Variants in TMEM160 observed in about 807,000 individuals in gnomAD.
The protein encoded by TMEM160 is transmembrane protein 160.
TMEM160 carries 10 observed loss-of-function variants against 13.9 expected under a neutral mutation model. That is an observed-to-expected ratio of 0.72 (90% CI 0.45 to 1.22). The LOEUF (loss-of-function observed/expected upper bound fraction) is 1.22, where lower values mean the gene tolerates loss of function less well. Among genes scored for constraint, TMEM160 ranks in the 50% most tolerant of loss-of-function variants. The pLI is 0.00. For missense variants in TMEM160, 287 were observed against 283.2 expected, an observed-to-expected ratio of 1.01 and a Z score of -0.10; for synonymous variants, 159 against 134.8, an observed-to-expected ratio of 1.18 and a Z score of -1.25.
Position 47,046,077 on chromosome 19 carries a change from C to A in TMEM160, c.477G>T (p.Gln159His). Residue 159 changes from glutamine (Q) to histidine (H), a missense_variant, in exon 3 of 3, where the codon CAG becomes CAT. Coordinates refer to ENST00000253047, the MANE Select transcript of TMEM160 (RefSeq NM_017854.2). Reference sequence around the variant, plus strand: ...GCACCAGCTCCACGTCCAGCTCCAGCTGCCCCATGTAGAGGCCCACGGCGC... The same window carrying A: ...GCACCAGCTCCACGTCCAGCTCCAGATGCCCCATGTAGAGGCCCACGGCGC... ...WACAVGLYMG[Q>H]LELDVELVPE... 3.2e-6 allele frequency: 5 copies of A among 1,545,174 alleles called. No homozygotes were observed. Among genetic ancestry groups the A allele is most frequent in the African/African-American group, 1.4e-5 (1 of 73,448 alleles).
rs1216604917 is a variant in TMEM160, at chr19:47,045,934, G to A, written c.*53C>T. 6 of 1,475,574 alleles carry A rather than the reference G, an allele frequency of 4.1e-6. No homozygotes were observed. Among genetic ancestry groups the A allele is most frequent in the Admixed American group, 2.4e-5 (1 of 41,846 alleles). 91.4% of individuals were successfully genotyped at this position (1,475,574 alleles called of 1,614,324 possible). ...TGGAGGAGGGGAGGTCAGGTTTAAT[G>A]TCCCAGTCCTCGGGCGCTGTCCAGC... On this transcript the variant is annotated 3_prime_UTR_variant, in exon 3 of 3. Transcript: ENST00000253047.
intron 1 of TMEM160, among the ~76,000 whole-genome samples, 200 bp downstream of exon 1, chr19:47,048,207 G>T (rs879313422): frequency 6.6e-6 from 1 of 152,114 alleles, no homozygotes; most frequent in Admixed American, 6.5e-5. Flanking sequence ...CGTTACCCGG[G>T]GTCCTCGTCC....
chr19:47,046,769 CT>C, intron 1 of TMEM160, 84 bp from the exon 2 acceptor site: 1 of 981,984 alleles, frequency 1.0e-6, no homozygotes, highest in Non-Finnish European at 1.6e-6. Flanking sequence ...ACTGAGGGGC[CT>C]CCCTTCAGCT....
At chr19:47,047,544 A>G in intron 1 of TMEM160, 2 of 966,858 alleles carry the variant, frequency 2.1e-6, no homozygotes, top group Non-Finnish European at 2.4e-6. Flanking sequence ...AGCCCACCAC[A>G]CCCTATATCT....
At chr19:47,048,235 C>G (rs1010831482) in intron 1 of TMEM160, among the ~76,000 whole-genome samples, 172 bp downstream of exon 1, 1 of 152,236 alleles carries the variant, frequency 6.6e-6, no homozygotes, top group Non-Finnish European at 1.5e-5. Flanking sequence ...AAGCCCATCC[C>G]CTCTGCGGGC....
chr19:47,046,389 A>T, intron 2 of TMEM160, 137 bp from the exon 3 acceptor site: 1 of 1,181,684 alleles, frequency 8.5e-7, no homozygotes, highest in Non-Finnish European at 1.2e-6. Context: ...ATCGGAGGGG[A>T]GGGGACCATA....
chr19:47,047,391 C>T (rs1483673987), intron 1 of TMEM160: 5 of 985,022 alleles, frequency 5.1e-6, no homozygotes, highest in South Asian at 4.7e-5. Flanking sequence ...TAATCCAGGC[C>T]GCTCTTCAGC....
chr19:47,048,052 T>TG (rs562683995), intron 1 of TMEM160, among the ~76,000 whole-genome samples: 1 of 147,584 alleles, frequency 6.8e-6, no homozygotes, highest in Non-Finnish European at 1.5e-5. Context: ...TGCACAGTGG[T>TG]GGCCTCTGCA....
At position 47,046,703 on chromosome 19, in the gene TMEM160, TGGG is replaced by T. The variant is rs746565266; in HGVS notation, c.209-21_209-19del. On this transcript the variant is annotated intron_variant, in intron 1 of 2. Coordinates refer to ENST00000253047, the MANE Select transcript of TMEM160 (RefSeq NM_017854.2). ...GAGGAAGGCTGGAGGGAGGGGGACA[TGGG>T]GGGATTAACATCACCCCCAACCCTA... 3.0e-5 allele frequency: 48 copies of T among 1,584,326 alleles called. No homozygotes were observed. The highest frequency in any genetic ancestry group is 4.1e-5 in the African/African-American group (3 of 73,944).
intron 1 of TMEM160, 51 bp downstream of exon 1, chr19:47,048,356 G>T: frequency 7.2e-7 from 1 of 1,393,172 alleles, no homozygotes; most frequent in Non-Finnish European, 9.5e-7. Flanking sequence ...GGTCCCACGC[G>T]AGCCCGGGAC....
At chr19:47,047,246 T>C in intron 1 of TMEM160, 1 of 984,686 alleles carries the variant, frequency 1.0e-6, no homozygotes, top group Non-Finnish European at 1.2e-6. Flanking sequence ...CCCTGCAGAA[T>C]GTGGAGGACA....
rs1400362007 is a variant in TMEM160 at position 47,046,251 on chromosome 19, G to C, written c.303C>G (p.Gly101=). Residue 101 remains glycine, a splice_region_variant and synonymous_variant, in exon 3 of 3, where the codon GGC becomes GGG. Coordinates refer to ENST00000253047, the MANE Select transcript of TMEM160 (RefSeq NM_017854.2). ...CGCACAGGCCGCCCAGCAGGAAGAA[G>C]CCTGCGGGAGAGGCAGGGTAGCAAC... is the stretch of plus-strand genomic sequence containing the variant. The part of the protein sequence containing the change: ...QSDMGREAAY[G]FFLLGGLCVV... 1.3e-6 allele frequency: 2 copies of C among 1,535,446 alleles called. No individual in the cohort carries two copies. The highest frequency in any genetic ancestry group is 1.7e-6 in the Non-Finnish European group (2 of 1,146,282).
intron 1 of TMEM160, chr19:47,047,680 T>A (rs1258192266): frequency 3.5e-5 from 25 of 719,930 alleles, no homozygotes; most frequent in Non-Finnish European, 4.3e-5. Flanking sequence ...CAAGACCCCG[T>A]CTCTACATAA....
Position 47,046,132 on chromosome 19 carries a change from G to A in TMEM160, c.422C>T (p.Ala141Val), listed in dbSNP as rs892889987. 70 of 1,478,616 alleles carry A rather than the reference G, an allele frequency of 4.7e-5. No homozygotes were observed. Among genetic ancestry groups the A allele is most frequent in the Non-Finnish European group, 5.7e-5 (64 of 1,124,426 alleles). 91.6% of individuals were successfully genotyped at this position (1,478,616 alleles called of 1,614,324 possible). A position where few individuals can be genotyped will look rare whatever the true frequency, so the allele number is the denominator to read the frequency against. Residue 141 changes from alanine (A) to valine (V), a missense_variant, in exon 3 of 3, where the codon GCC (alanine) becomes GTC (valine). Coordinates refer to ENST00000253047, the MANE Select transcript of TMEM160 (RefSeq NM_017854.2). ...CCAGAGCAGGCTGGCGGCCAGCACG[G>A]CGCCCGCGCCCACGGCCGCGCCCCC... is the stretch of plus-strand genomic sequence containing the variant. ...TLGGAAVGAG[A>V]VLAASLLWAC... is the part of the protein sequence containing the mutation.
chr19:47,047,819 C>T, intron 1 of TMEM160: 4 of 891,882 alleles, frequency 4.5e-6, no homozygotes, highest in Non-Finnish European at 5.4e-6. Flanking sequence ...GCGGTCCAGC[C>T]TCGGTGACAG....
Position 47,046,035 on chromosome 19 carries a change from C to A in TMEM160, c.519G>T (p.Thr173=). The change falls in exon 3 of 3, where the codon ACG becomes ACT. Residue 173 remains threonine (T), a synonymous_variant. Coordinates refer to ENST00000253047, the MANE Select transcript of TMEM160 (RefSeq NM_017854.2). ...DVELVPEDDG[T]ASAEGPDEAG... ...CCTCATCAGGGCCTTCCGCGGAGGC[C>A]GTCCCGTCGTCCTCGGGCACCAGCT... 1 of 1,549,020 alleles carries A rather than the reference C, an allele frequency of 6.5e-7. No individual in the cohort carries two copies. Among genetic ancestry groups the A allele is most frequent in the Non-Finnish European group, 8.7e-7 (1 of 1,154,592 alleles).
chr19:47,048,390 C>T lies in TMEM160; in HGVS notation c.208+17G>A. On this transcript the variant is annotated intron_variant, in intron 1 of 2. Transcript: ENST00000253047. ...ACCCCCGTCCCATCCGCACCGCCCC[C>T]ACCCCTAGCCACCGACCTGTCTCGT... 6.7e-7 allele frequency: 1 copy of T among 1,491,180 alleles called. No homozygotes were observed. Among genetic ancestry groups the T allele is most frequent in the Non-Finnish European group, 8.9e-7 (1 of 1,128,940 alleles). 92.4% of individuals were successfully genotyped at this position (1,491,180 alleles called of 1,614,324 possible).
chr19:47,047,881 C>G, intron 1 of TMEM160: 1 of 984,712 alleles, frequency 1.0e-6, no homozygotes, highest in Non-Finnish European at 1.2e-6. Flanking sequence ...CAAACATGGC[C>G]AGTCCGCTCC....
intron 2 of TMEM160, 59 bp downstream of exon 2, chr19:47,046,534 G>A: frequency 7.1e-7 from 1 of 1,415,134 alleles, no homozygotes; most frequent in Non-Finnish European, 1.0e-6. Context: ...CACCAGGGCA[G>A]GTGATAGGGG....
Sources: allele counts gnomAD v4.1 joint callset (sites outside exome capture counted in the v4.1 genomes callset), GRCh38; gene constraint gnomAD v4.1.1; transcripts MANE v1.5; gene names NCBI Gene and HGNC (gene_info 2026-07-23, HGNC 2026-07-21).